Variants in THSD7B observed in about 807,000 individuals in gnomAD.
The protein encoded by THSD7B is thrombospondin type-1 domain-containing protein 7B.
A neutral mutation model predicts 213.6 loss-of-function variants in THSD7B; 138 were observed. That is an observed-to-expected ratio of 0.65 (90% confidence interval 0.56 to 0.74). The LOEUF is 0.74. THSD7B is among the 30% of genes least tolerant of loss of function. The pLI is 0.00. For missense variants in THSD7B, 1,931 were observed against 1,991.5 expected (o/e 0.97, Z 0.58); for synonymous variants, 742 against 687.0 (o/e 1.08, Z -1.25).
At chr2:136,827,057 A>G (rs1558818033) in intron 1 of THSD7B, among the ~76,000 whole-genome samples, 1 of 152,248 alleles carries the variant, frequency 6.6e-6, no homozygotes, top group East Asian at 1.9e-4. Flanking sequence ...AATATGCCAC[A>G]GATTAACATA....
At chr2:137,177,355 A>G (rs1186038450) in intron 7 of THSD7B, among the ~76,000 whole-genome samples, 1 of 152,036 alleles carries the variant, frequency 6.6e-6, no homozygotes, top group African/African-American at 2.4e-5. Context: ...TTGATTCCAG[A>G]TTGTATTGGA....
chr2:136,915,050 A>G (rs1684328406), intron 2 of THSD7B, among the ~76,000 whole-genome samples: 3 of 152,282 alleles, frequency 2.0e-5, no homozygotes, highest in Admixed American at 2.0e-4. Context: ...AAACACAAAC[A>G]TGCCTTCTGG....
intron 2 of THSD7B, among the ~76,000 whole-genome samples, chr2:136,982,789 G>A (rs1685605317): frequency 6.6e-6 from 1 of 152,002 alleles, no homozygotes; most frequent in African/African-American, 2.4e-5. Flanking sequence ...TTTTGATTAA[G>A]GCCAGTTTTA....
chr2:137,599,713 C>G (rs1682039463), intron 17 of THSD7B, among the ~76,000 whole-genome samples: 1 of 152,116 alleles, frequency 6.6e-6, no homozygotes, highest in Non-Finnish European at 1.5e-5. Flanking sequence ...ATTATTCTTT[C>G]CTCCCTTCTT....
chr2:137,471,168 G>A (rs941445390), intron 15 of THSD7B, among the ~76,000 whole-genome samples: 7 of 151,874 alleles, frequency 4.6e-5, no homozygotes, highest in African/African-American at 1.5e-4. Flanking sequence ...TGATCCACCA[G>A]CCTCGGCCCC....
intron 1 of THSD7B, among the ~76,000 whole-genome samples, chr2:136,865,856 G>T (rs193261526): frequency 3.9e-5 from 6 of 152,282 alleles, no homozygotes; most frequent in Admixed American, 2.6e-4. Flanking sequence ...GTGTTGGAGT[G>T]CATCATCCCA....
intron 15 of THSD7B, among the ~76,000 whole-genome samples, chr2:137,457,071 T>C (rs1178117615): frequency 1.3e-5 from 2 of 152,148 alleles, no homozygotes; most frequent in East Asian, 3.9e-4. Flanking sequence ...CAAGAAAAAT[T>C]GTTTTTTTCT....
intron 15 of THSD7B, chr2:137,512,031 T>C (rs1679971909): frequency 2.0e-5 from 3 of 152,198 alleles, no homozygotes; most frequent in Non-Finnish European, 4.4e-5. Context: ...GCAGGCTTCA[T>C]GCACAAACAA....
chr2:137,026,843 G>A (rs980253077), intron 2 of THSD7B, among the ~76,000 whole-genome samples: 5 of 150,832 alleles, frequency 3.3e-5, no homozygotes, highest in African/African-American at 1.2e-4. Context: ...TTGATCATTT[G>A]TCCTTTTTAT....
intron 2 of THSD7B, among the ~76,000 whole-genome samples, chr2:136,973,882 A>T (rs527540858): frequency 2.0e-5 from 3 of 152,278 alleles, no homozygotes; most frequent in Admixed American, 2.0e-4. Flanking sequence ...TTAATTTGAG[A>T]CACAGTCTTT....
At chr2:137,556,896 T>C (rs1020408219) in intron 15 of THSD7B, among the ~76,000 whole-genome samples, 5 of 152,114 alleles carry the variant, frequency 3.3e-5, no homozygotes, top group Admixed American at 6.5e-5. Context: ...GCAATCCTAG[T>C]CTCTGATAAA....
chr2:137,115,985 G>C (rs1408837073), intron 5 of THSD7B, among the ~76,000 whole-genome samples: 3 of 152,190 alleles, frequency 2.0e-5, no homozygotes, highest in African/African-American at 7.2e-5. Flanking sequence ...GAGAACCCAA[G>C]CAGTACTCCC....
chr2:137,674,938 T>G (rs563905168), intron 27 of THSD7B, among the ~76,000 whole-genome samples: 1 of 152,306 alleles, frequency 6.6e-6, no homozygotes, highest in East Asian at 1.9e-4. Flanking sequence ...AAAAAATAAT[T>G]TTACTCCTCA....
chr2:137,411,706 T>C lies in THSD7B; in HGVS notation c.2793T>C (p.Tyr931=), dbSNP rs767744202. The C allele has an allele frequency of 6.2e-6, 10 of 1,613,838 alleles. No homozygotes were observed. The Admixed American group carries it at 1.0e-4, about 16-fold the overall frequency. Residue 931 remains tyrosine (Y), a synonymous_variant, in exon 14 of 28, where the codon TAT becomes TAC. Coordinates refer to ENST00000409968, the MANE Select transcript of THSD7B (RefSeq NM_001316349.2). The stretch of plus-strand genomic sequence containing the variant: ...GTGATGAATTTATATCCCAACCTTA[T>C]GGAAACTGGTCAGATTGCATTCTTC... ...CPCDEFISQP[Y]GNWSDCILPE... is the part of the protein sequence containing the mutation.
At chr2:137,630,426 C>T (rs1282540165) in intron 20 of THSD7B, among the ~76,000 whole-genome samples, 1 of 152,206 alleles carries the variant, frequency 6.6e-6, no homozygotes, top group Non-Finnish European at 1.5e-5. Context: ...TATTCCCCAC[C>T]ATCCCCAAAC....
chr2:137,628,049 G>GT (rs1366793109), intron 20 of THSD7B, among the ~76,000 whole-genome samples: 1 of 152,188 alleles, frequency 6.6e-6, no homozygotes, highest in East Asian at 1.9e-4. Flanking sequence ...TAGCGGTTTA[G>GT]TTTTTGTTTT....
chr2:137,327,013 A>C (rs1163432392), intron 12 of THSD7B, among the ~76,000 whole-genome samples: 1 of 152,246 alleles, frequency 6.6e-6, no homozygotes, highest in East Asian at 1.9e-4. Flanking sequence ...TCTTTCCTGC[A>C]AAACACATTT....
At chr2:136,896,166 A>G (rs2105006878) in intron 2 of THSD7B, among the ~76,000 whole-genome samples, 1 of 152,292 alleles carries the variant, frequency 6.6e-6, no homozygotes, top group African/African-American at 2.4e-5. Flanking sequence ...CTATTTTCCA[A>G]CCTGACTATA....
chr2:137,543,666 A>C (rs1680648148), intron 15 of THSD7B, among the ~76,000 whole-genome samples: 1 of 151,908 alleles, frequency 6.6e-6, no homozygotes, highest in South Asian at 2.1e-4. Flanking sequence ...CCATCAAGAA[A>C]GTGTGAAGGC....
Sources: gnomAD v4.1 joint callset for allele counts (sites outside exome capture counted in the v4.1 genomes callset) on GRCh38, gnomAD v4.1.1 for gene constraint, MANE v1.5 for transcripts, NCBI Gene and HGNC (gene_info 2026-07-23, HGNC 2026-07-21) for gene names.